Variants in DPP6 observed in about 807,000 individuals in gnomAD.
The protein encoded by DPP6 is dipeptidyl peptidase like 6, also known as A-type potassium channel modulatory protein DPP6.
A neutral mutation model predicts 122.6 loss-of-function variants in DPP6; 69 were observed. The ratio of observed to expected loss-of-function variants is 0.56; its 90% confidence interval spans 0.46 to 0.69. The LOEUF is 0.69. DPP6 is among the 30% of genes least tolerant of loss of function. The pLI, the probability that DPP6 is intolerant of heterozygous loss-of-function variation, is 0.00. For missense variants in DPP6, 928 were observed against 1,116.9 expected, an observed-to-expected ratio of 0.83 and a Z score of 2.41; for synonymous variants, 418 against 433.1, an observed-to-expected ratio of 0.97 and a Z score of 0.43.
intron 16 of DPP6, among the ~76,000 whole-genome samples, chr7:154,826,968 A>G (rs1014000027): frequency 6.6e-6 from 1 of 152,102 alleles, no homozygotes; most frequent in African/African-American, 2.4e-5. Context: ...TGTAGCTGTA[A>G]GTCCATCAGA....
intron 2 of DPP6, among the ~76,000 whole-genome samples, chr7:154,454,377 G>C (rs773104946): frequency 4.7e-4 from 72 of 152,172 alleles, no homozygotes; most frequent in Non-Finnish European, 9.4e-4. Flanking sequence ...AATACTAATC[G>C]AGACTGGGTG....
chr7:153,949,393 A>G (rs1433385628), intron 1 of DPP6, among the ~76,000 whole-genome samples: 8 of 152,096 alleles, frequency 5.3e-5, no homozygotes, highest in Admixed American at 5.2e-4. Flanking sequence ...CCAGTCTCGG[A>G]GATGCTTTTC....
the DPP6 span, among the ~76,000 whole-genome samples, chr7:153,821,359 A>G: frequency 2.2e-5 from 3 of 139,488 alleles, no homozygotes; most frequent in Non-Finnish European, 3.1e-5. Flanking sequence ...AAAGACTAGA[A>G]GGGAACCACA....
intron 1 of DPP6, among the ~76,000 whole-genome samples, chr7:153,957,858 T>C (rs1424724649): frequency 2.0e-5 from 3 of 152,192 alleles, no homozygotes; most frequent in Admixed American, 6.5e-5. Flanking sequence ...GTCATTAGTG[T>C]AGACTAGCTG....
intron 1 of DPP6, among the ~76,000 whole-genome samples, chr7:154,115,432 G>T (rs1242971001): frequency 6.6e-6 from 1 of 152,198 alleles, no homozygotes; most frequent in Non-Finnish European, 1.5e-5. Context: ...AGTGACCTTC[G>T]TGAGTTTCCA....
At chr7:154,012,169 C>A (rs1798183184) in intron 1 of DPP6, among the ~76,000 whole-genome samples, 1 of 152,178 alleles carries the variant, frequency 6.6e-6, no homozygotes, top group Non-Finnish European at 1.5e-5. Flanking sequence ...TATTCAATTT[C>A]TTTGTTTATT....
At chr7:154,100,961 C>T (rs1291957020) in intron 1 of DPP6, among the ~76,000 whole-genome samples, 1 of 141,432 alleles carries the variant, frequency 7.1e-6, no homozygotes, top group African/African-American at 2.5e-5. Flanking sequence ...GGCTCACCTC[C>T]CCGTGACCGT....
intron 1 of DPP6, among the ~76,000 whole-genome samples, chr7:153,970,560 G>A (rs1795972314): frequency 6.6e-6 from 1 of 152,082 alleles, no homozygotes; most frequent in African/African-American, 2.4e-5. Context: ...ATTTAAGAAA[G>A]TTTTGTCTCA....
At chr7:154,820,410 A>G (rs1028625748) in intron 16 of DPP6, among the ~76,000 whole-genome samples, 3 of 152,224 alleles carry the variant, frequency 2.0e-5, no homozygotes, top group African/African-American at 7.2e-5. Context: ...GACTTACAAT[A>G]TTTACAAAAC....
intron 1 of DPP6, among the ~76,000 whole-genome samples, chr7:154,307,834 G>A (rs924485439): frequency 3.3e-5 from 5 of 150,506 alleles, no homozygotes. Flanking sequence ...GTAGGCATGT[G>A]TAGGGAGACC....
intron 1 of DPP6, among the ~76,000 whole-genome samples, chr7:154,113,630 C>CTTTTTTTTTTTTTTTTTTTTTTTTTTTT (rs1806766922): frequency 2.0e-5 from 3 of 151,514 alleles, no homozygotes; most frequent in African/African-American, 7.3e-5. Flanking sequence ...GTTTCTTGTG[C>CTTTTTTTTTTTTTTTTTTTTTTTTTTTT]TTTTGGTGTC....
intron 3 of DPP6, among the ~76,000 whole-genome samples, chr7:154,477,563 A>G (rs1822860939): frequency 6.6e-6 from 1 of 151,136 alleles, no homozygotes; most frequent in Admixed American, 6.6e-5. Flanking sequence ...AGATGTGGAG[A>G]CACAAGAGCA....
the DPP6 span, among the ~76,000 whole-genome samples, chr7:153,761,459 A>G: frequency 6.6e-6 from 1 of 152,222 alleles, no homozygotes; most frequent in Admixed American, 6.5e-5. Flanking sequence ...ACACTATGAA[A>G]TGAAAAGCTT....
intron 1 of DPP6, among the ~76,000 whole-genome samples, chr7:154,304,374 AACTG>A (rs1447193417): frequency 2.0e-5 from 3 of 152,310 alleles, no homozygotes; most frequent in African/African-American, 4.8e-5. Flanking sequence ...TCTACCCACT[AACTG>A]ACTGCTCCGG....
At chr7:154,184,288 A>ACACCCATTTTTCCC (rs1397446317) in intron 1 of DPP6, among the ~76,000 whole-genome samples, 1 of 151,386 alleles carries the variant, frequency 6.6e-6, no homozygotes, top group Non-Finnish European at 1.5e-5. Context: ...CATTTGGAAA[A>ACACCCATTTTTCCC]CACCCATTTT....
chr7:154,691,377 A>G (rs1839922531), intron 7 of DPP6, among the ~76,000 whole-genome samples: 1 of 152,168 alleles, frequency 6.6e-6, no homozygotes, highest in South Asian at 2.1e-4. Flanking sequence ...ACTGGGCAGA[A>G]TTCATTATCA....
intron 1 of DPP6, among the ~76,000 whole-genome samples, chr7:154,346,133 A>G (rs1810375695): frequency 6.6e-6 from 1 of 152,114 alleles, no homozygotes; most frequent in Non-Finnish European, 1.5e-5. Context: ...AGCCCCTCTG[A>G]ATTTTCCAAT....
intron 1 of DPP6, among the ~76,000 whole-genome samples, chr7:154,221,119 T>C (rs1484533230): frequency 6.6e-6 from 1 of 152,108 alleles, no homozygotes; most frequent in Non-Finnish European, 1.5e-5. Context: ...CTTAACAAAG[T>C]CACTCTGGCC....
chr7:154,852,095 C>G (rs957680313), intron 16 of DPP6, among the ~76,000 whole-genome samples: 1 of 152,206 alleles, frequency 6.6e-6, no homozygotes, highest in African/African-American at 2.4e-5. Flanking sequence ...GGGCCCTGGA[C>G]TAGGGTGTCC....
Sources: gnomAD v4.1 joint callset for allele counts (sites outside exome capture counted in the v4.1 genomes callset) on GRCh38, gnomAD v4.1.1 for gene constraint, MANE v1.5 for transcripts, NCBI Gene and HGNC (gene_info 2026-07-23, HGNC 2026-07-21) for gene names.